The following NEMP2 variants were observed in gnomAD, a reference collection of about 807,000 sequenced individuals.
NEMP2 encodes nuclear envelope integral membrane protein 2, also known as UPF0571 transmembrane protein.
A neutral mutation model predicts 54.2 loss-of-function variants in NEMP2; 53 were observed. That is an observed-to-expected ratio of 0.98 (90% CI 0.78 to 1.23). The LOEUF (loss-of-function observed/expected upper bound fraction) is 1.23, where lower values mean the gene tolerates loss of function less well. NEMP2 is among the 50% of genes most tolerant of loss of function. The pLI is 0.00. For missense variants in NEMP2, 455 were observed against 511.3 expected (o/e 0.89, Z 1.06); for synonymous variants, 197 against 190.3 (o/e 1.04, Z -0.29).
At chr2:190,640,287 T>C in the NEMP2 span, among the ~76,000 whole-genome samples, 2 of 152,240 alleles carry the variant, frequency 1.3e-5, no homozygotes, top group South Asian at 2.1e-4. Context: ...TGAAATCATA[T>C]GGACATGTTG....
At chr2:190,579,547 T>A in the NEMP2 span, among the ~76,000 whole-genome samples, 4 of 152,166 alleles carry the variant, frequency 2.6e-5, no homozygotes, top group African/African-American at 9.7e-5. Context: ...TACAGAATTA[T>A]CTTGAATATT....
chr2:190,636,346 AG>A, the NEMP2 span, among the ~76,000 whole-genome samples: 2 of 152,254 alleles, frequency 1.3e-5, no homozygotes, highest in Non-Finnish European at 2.9e-5. Context: ...AGGCCAAGTA[AG>A]GTTTCCTCTT....
chr2:190,523,696 A>G lies in NEMP2; in HGVS notation c.213+1567T>C, dbSNP rs907818984. ...TTGTTAGAAAGTAAAGTAGTGCTCA[A>G]AAATGCTAGGCACATGGCAGAAGGA... On this transcript the variant is annotated intron_variant, in intron 2 of 8. Transcript: ENST00000409150. This position sits in a 1 kb window ranked among gnomAD's most constrained non-coding sequence, Gnocchi z 5.3. 6.6e-6 allele frequency among the ~76,000 whole-genome samples: 1 copy of G among 152,248 alleles called. No individual in the cohort carries two copies. Among genetic ancestry groups the G allele is most frequent in the Admixed American group, 6.5e-5 (1 of 15,284 alleles).
chr2:190,483,449 A>G, the NEMP2 span, among the ~76,000 whole-genome samples: 1 of 152,310 alleles, frequency 6.6e-6, no homozygotes, highest in African/African-American at 2.4e-5. Context: ...AAAATGAAGA[A>G]AAAATAGTAC....
At chr2:190,572,834 TA>T in the NEMP2 span, among the ~76,000 whole-genome samples, 17,982 of 37,674 alleles carry the variant, frequency 0.48, 2,902 homozygotes, top group East Asian at 0.52. Context: ...TTTTCATGAG[TA>T]TATATATATA....
the NEMP2 span, among the ~76,000 whole-genome samples, chr2:190,483,318 T>C: frequency 6.6e-6 from 1 of 152,218 alleles, no homozygotes; most frequent in Non-Finnish European, 1.5e-5. Context: ...TATAGTGTAA[T>C]ATTTAAGCAC....
At chr2:190,631,499 G>C in the NEMP2 span, among the ~76,000 whole-genome samples, 1 of 152,086 alleles carries the variant, frequency 6.6e-6, no homozygotes, top group Non-Finnish European at 1.5e-5. Flanking sequence ...CTTTTATTTT[G>C]AATATGTACC....
At chr2:190,605,202 A>G in the NEMP2 span, among the ~76,000 whole-genome samples, 227 of 152,188 alleles carry the variant, frequency 1.5e-3, 1 homozygote, top group African/African-American at 5.3e-3. Flanking sequence ...TCTTTCTTAT[A>G]AATTCACAGA....
chr2:190,573,715 G>A, the NEMP2 span, among the ~76,000 whole-genome samples: 1 of 152,200 alleles, frequency 6.6e-6, no homozygotes, highest in African/African-American at 2.4e-5. Flanking sequence ...CCTGACTGCT[G>A]CAGGTTTTCT....
At chr2:190,562,916 T>C in the NEMP2 span, among the ~76,000 whole-genome samples, 785 of 152,366 alleles carry the variant, frequency 5.2e-3, 2 homozygotes, top group Admixed American at 7.1e-3. This position sits in a 1 kb window ranked among gnomAD's most constrained non-coding sequence, Gnocchi z 5.0. Context: ...GAGGTAACTC[T>C]GAGATCACCC....
At chr2:190,600,723 C>T in the NEMP2 span, among the ~76,000 whole-genome samples, 1 of 152,158 alleles carries the variant, frequency 6.6e-6, no homozygotes, top group Non-Finnish European at 1.5e-5. This position sits in a 1 kb window ranked among gnomAD's most constrained non-coding sequence, Gnocchi z 4.9. Flanking sequence ...TCATCAGATG[C>T]AGATGCCCAG....
the NEMP2 span, among the ~76,000 whole-genome samples, chr2:190,589,351 G>A: frequency 7.2e-5 from 11 of 152,226 alleles, no homozygotes; most frequent in African/African-American, 1.9e-4. This position sits in a 1 kb window ranked among gnomAD's most constrained non-coding sequence, Gnocchi z 4.3. Context: ...CCTTTCTGAC[G>A]TGATATTCCT....
the NEMP2 span, among the ~76,000 whole-genome samples, chr2:190,554,260 G>T: frequency 6.6e-6 from 1 of 151,572 alleles, no homozygotes; most frequent in Admixed American, 6.6e-5. This position sits in a 1 kb window ranked among gnomAD's most constrained non-coding sequence, Gnocchi z 5.7. Context: ...AGCCGCAGGA[G>T]TTTTTTTTTC....
chr2:190,488,933 G>T, the NEMP2 span: 1 of 1,033,354 alleles, frequency 9.7e-7, no homozygotes, highest in East Asian at 2.8e-5. The surrounding 1 kb of genome is among the most constrained non-coding windows in gnomAD (Gnocchi z 6.4). Flanking sequence ...CTAAATTCCA[G>T]TATTCATAAT....
rs1464136206 is a variant in NEMP2 at position 190,533,118 on chromosome 2, T to G, written c.97+1441A>C. ...GAGGAAAATACTGGAAACTCTTCAG[T>G]AAAAACATCTTCATTTTACTCAAGA... On this transcript the variant is annotated intron_variant, in intron 1 of 8. Coordinates refer to ENST00000409150, the MANE Select transcript of NEMP2 (RefSeq NM_001142645.2). This position sits in a 1 kb window ranked among gnomAD's most constrained non-coding sequence, Gnocchi z 4.3. Among the ~76,000 whole-genome samples the G allele has an allele frequency of 6.6e-6, 1 of 152,152 alleles. No individual in the cohort carries two copies. The highest frequency in any genetic ancestry group is 1.5e-5 in the Non-Finnish European group (1 of 68,016).
chr2:190,439,221 T>C, the NEMP2 span, among the ~76,000 whole-genome samples: 4 of 151,986 alleles, frequency 2.6e-5, no homozygotes, highest in Non-Finnish European at 5.9e-5. The surrounding 1 kb of genome is among the most constrained non-coding windows in gnomAD (Gnocchi z 5.8). Flanking sequence ...ATCACTGTTA[T>C]TCATTCCCAG....
At chr2:190,470,364 C>T in the NEMP2 span, among the ~76,000 whole-genome samples, 1 of 152,294 alleles carries the variant, frequency 6.6e-6, no homozygotes, top group Admixed American at 6.5e-5. Context: ...AAATGTCCTG[C>T]CCTGAGTTCT....
chr2:190,540,277 A>G, the NEMP2 span, among the ~76,000 whole-genome samples: 1 of 113,880 alleles, frequency 8.8e-6, no homozygotes, highest in Non-Finnish European at 1.8e-5. Flanking sequence ...CCACTTGATC[A>G]TAGTGAATGA....
At chr2:190,618,906 A>C in the NEMP2 span, among the ~76,000 whole-genome samples, 1 of 152,232 alleles carries the variant, frequency 6.6e-6, no homozygotes, top group South Asian at 2.1e-4. Flanking sequence ...TGATTGCATT[A>C]TTGTGTCATC....
Sources: gnomAD v4.1 joint callset for allele counts (sites outside exome capture counted in the v4.1 genomes callset) on GRCh38, gnomAD v4.1.1 for gene constraint, Gnocchi (gnomAD v3.1) non-coding constraint, MANE v1.5 for transcripts, NCBI Gene and HGNC (gene_info 2026-07-23, HGNC 2026-07-21) for gene names.